Variants in NHSL1 observed in about 807,000 individuals in gnomAD.
NHSL1 encodes the protein NHS like 1.
Under a neutral mutation model 95.0 loss-of-function variants are expected in NHSL1, and 48 were observed. The ratio of observed to expected loss-of-function variants is 0.51; its 90% CI spans 0.40 to 0.64. The LOEUF (loss-of-function observed/expected upper bound fraction) is 0.64. Among genes scored for constraint, NHSL1 ranks in the 30% least tolerant of loss-of-function variants. The probability of loss-of-function intolerance (pLI) is 0.00; values close to 1 mark genes in which losing one functional copy is unlikely to be tolerated. For synonymous variants in NHSL1, 783 were observed against 833.9 expected (o/e 0.94, Z 1.05); for missense variants, 1,971 against 2,077.7 (o/e 0.95, Z 1.00).
intron 1 of NHSL1, among the ~76,000 whole-genome samples, chr6:138,538,161 T>C (rs1480995050): frequency 6.6e-6 from 1 of 152,108 alleles, no homozygotes; most frequent in Non-Finnish European, 1.5e-5. Flanking sequence ...CAGCAAAACT[T>C]TTCCAGGAAA....
intron 1 of NHSL1, among the ~76,000 whole-genome samples, chr6:138,523,767 T>C (rs558859238): frequency 2.0e-4 from 30 of 152,352 alleles, no homozygotes; most frequent in African/African-American, 6.5e-4. Flanking sequence ...ATGAGTCATT[T>C]GGGATGTGAC....
rs35598042 is a variant in NHSL1 at position 138,527,261 on chromosome 6, GA to G, written c.16+18361del. On this transcript the variant is annotated intron_variant, in intron 1 of 4. Transcript: ENST00000342260. Reference sequence around the variant, plus strand: ...GGAAACTAAGATTAAGTACAGAAGGGAAAAAAAAAACCACTATGAAACACCA... The same window carrying G: ...GGAAACTAAGATTAAGTACAGAAGGGAAAAAAAAACCACTATGAAACACCA... 8.4e-4 allele frequency among the ~76,000 whole-genome samples: 124 copies of G among 147,202 alleles called. 1 individual carries two copies. The East Asian group carries it at 0.018, about 21-fold the overall frequency.
At chr6:138,497,237 G>T (rs1780407246) in intron 1 of NHSL1, among the ~76,000 whole-genome samples, 1 of 152,186 alleles carries the variant, frequency 6.6e-6, no homozygotes, top group Non-Finnish European at 1.5e-5. Context: ...CCAAAATGAG[G>T]CCGACAGCAC....
At chr6:138,592,554 A>G (rs1784245117) in intron 1 of NHSL1, among the ~76,000 whole-genome samples, 1 of 152,170 alleles carries the variant, frequency 6.6e-6, no homozygotes, top group Non-Finnish European at 1.5e-5. Flanking sequence ...GTGAGCCAAG[A>G]TTGCTCCACT....
At chr6:138,669,092 G>A (rs1785331522) in intron 1 of NHSL1, among the ~76,000 whole-genome samples, 1 of 152,080 alleles carries the variant, frequency 6.6e-6, no homozygotes, top group African/African-American at 2.4e-5. Context: ...AAGCATGGTG[G>A]TATCCTTCAT....
At position 138,623,269 on chromosome 6, in the gene NHSL1, C is replaced by T. The variant is rs149714171; in HGVS notation, c.96+69207G>A. On this transcript the variant is annotated intron_variant, in intron 1 of 3. Transcript: ENST00000491526. ...AAGTGAGGGTGGACAGGGAGCTCTG[C>T]TCAGAAACTGAGAGGCAGGCAGGTA... Among the ~76,000 whole-genome samples, 259 of 152,260 alleles carry T rather than the reference C, an allele frequency of 1.7e-3. 3 individuals are homozygous for T. The highest frequency in any genetic ancestry group is 0.014 in the East Asian group (74 of 5,170).
upstream of NHSL1, among the ~76,000 whole-genome samples, chr6:138,547,093 C>T (rs570401675): frequency 1.6e-4 from 24 of 152,300 alleles, no homozygotes; most frequent in African/African-American, 5.5e-4. Flanking sequence ...CAGAACCAAT[C>T]TATCTATCTG....
At chr6:138,648,730 G>C (rs1785051264) in intron 1 of NHSL1, among the ~76,000 whole-genome samples, 1 of 152,154 alleles carries the variant, frequency 6.6e-6, no homozygotes. Context: ...TCGTTTTCTT[G>C]GAGCCCTCAC....
chr6:138,693,106 G>A (rs1785711312), upstream of NHSL1, among the ~76,000 whole-genome samples: 1 of 151,542 alleles, frequency 6.6e-6, no homozygotes, highest in Admixed American at 6.6e-5. The surrounding 1 kb of genome is among the most constrained non-coding windows in gnomAD (Gnocchi z 4.3). Flanking sequence ...GCGGCGAGGG[G>A]AGCCGCGAGT....
chr6:138,638,112 A>G (rs1784912204), intron 1 of NHSL1, among the ~76,000 whole-genome samples: 1 of 152,232 alleles, frequency 6.6e-6, no homozygotes, highest in South Asian at 2.1e-4. Context: ...CCAGGCACAG[A>G]AAGACAAACA....
At chr6:138,621,075 C>A (rs1338474436) in intron 1 of NHSL1, among the ~76,000 whole-genome samples, 1 of 152,190 alleles carries the variant, frequency 6.6e-6, no homozygotes, top group Non-Finnish European at 1.5e-5. Flanking sequence ...GTGGCACCAC[C>A]ATGCTTGCTT....
chr6:138,624,128 A>C (rs1784703601), intron 1 of NHSL1, among the ~76,000 whole-genome samples: 1 of 152,176 alleles, frequency 6.6e-6, no homozygotes, highest in African/African-American at 2.4e-5. Context: ...AAGAGGTACA[A>C]TCTTTGATGT....
chr6:138,666,185 C>T (rs1483322944), intron 1 of NHSL1, among the ~76,000 whole-genome samples: 1 of 152,210 alleles, frequency 6.6e-6, no homozygotes, highest in South Asian at 2.1e-4. Context: ...CGCCTGTAAT[C>T]CCATCTATTC....
At chr6:138,614,512 A>G (rs1381007893) in intron 1 of NHSL1, among the ~76,000 whole-genome samples, 2 of 152,234 alleles carry the variant, frequency 1.3e-5, no homozygotes, top group Non-Finnish European at 2.9e-5. Context: ...AGTGCTTACT[A>G]TACAAGCAGG....
chr6:138,496,133 G>T (rs1780335380), intron 2 of NHSL1, 86 bp downstream of exon 2: 1 of 1,348,076 alleles, frequency 7.4e-7, no homozygotes, highest in African/African-American at 1.5e-5. Flanking sequence ...AATAAAAGTA[G>T]AGCTGGTTTT....
chr6:138,608,727 G>A (rs115606492), intron 1 of NHSL1, among the ~76,000 whole-genome samples: 5 of 152,264 alleles, frequency 3.3e-5, no homozygotes, highest in African/African-American at 1.2e-4. Context: ...AAAGCAGAGC[G>A]GCCTCCTTCA....
intron 1 of NHSL1, among the ~76,000 whole-genome samples, chr6:138,527,178 C>A (rs779282034): frequency 1.3e-5 from 2 of 151,892 alleles, no homozygotes; most frequent in South Asian, 2.1e-4. Context: ...AAGACCAGCG[C>A]TGGGAGGCTG....
At chr6:138,572,042 A>C (rs983018788) in exon 1 of NHSL1, 2 of 675,040 alleles carry the variant, frequency 3.0e-6, no homozygotes, top group African/African-American at 1.8e-5. Flanking sequence ...CAGGCACCGC[A>C]TTATCCAAAA....
At chr6:138,492,813 G>C (rs760134257) in intron 2 of NHSL1, among the ~76,000 whole-genome samples, 1 of 152,102 alleles carries the variant, frequency 6.6e-6, no homozygotes, top group Non-Finnish European at 1.5e-5. Flanking sequence ...TTAAAGAATG[G>C]TATTCTTTTC....
Sources: allele counts gnomAD v4.1 joint callset (sites outside exome capture counted in the v4.1 genomes callset), GRCh38; gene constraint gnomAD v4.1.1; non-coding constraint Gnocchi (gnomAD v3.1); transcripts MANE v1.5; gene names NCBI Gene and HGNC (gene_info 2026-07-23, HGNC 2026-07-21).